SIMC1: variants seen among roughly 807,000 people sequenced by gnomAD.
SIMC1 encodes SUMO interacting motifs containing 1.
A neutral mutation model predicts 82.3 loss-of-function variants in SIMC1; 55 were observed. The observed-to-expected ratio is 0.67, with a 90% CI of 0.54 to 0.84. SIMC1 has a LOEUF of 0.84. SIMC1 is among the 40% of genes least tolerant of loss of function. The pLI is 0.00. For synonymous variants in SIMC1, 353 were observed against 426.3 expected (o/e 0.83, Z 2.12); for missense variants, 915 against 1,107.2 (o/e 0.83, Z 2.46).
At chr5:176,288,740 G>A (rs1179865949) in intron 1 of SIMC1, among the ~76,000 whole-genome samples, 1 of 152,188 alleles carries the variant, frequency 6.6e-6, no homozygotes, top group Non-Finnish European at 1.5e-5. Context: ...GAAATAGCAT[G>A]GTAGCTGTGA....
At chr5:176,307,479 C>G (rs1235813612) in intron 4 of SIMC1, among the ~76,000 whole-genome samples, 3 of 152,192 alleles carry the variant, frequency 2.0e-5, no homozygotes, top group East Asian at 3.8e-4. Flanking sequence ...CAGCTCACTT[C>G]AAGCTCTGCC....
In SIMC1 at chr5:176,252,038, G is replaced by C. The variant is rs902854193; in HGVS notation, c.129+13401G>C. 2.4e-4 allele frequency among the ~76,000 whole-genome samples: 36 copies of C among 152,014 alleles called. 1 individual carries two copies. The highest frequency in any genetic ancestry group is 4.4e-4 in the Non-Finnish European group (30 of 68,000). On this transcript the variant is annotated intron_variant, in intron 1 of 9. Coordinates refer to ENST00000429602, the MANE Select transcript of SIMC1 (RefSeq NM_001308195.2). ...CTCAATCTTTTCCCCACCTTTCCCC[G>C]CTTTCTATTCCACAAAACCACCATT... is the stretch of plus-strand genomic sequence containing the variant.
intron 1 of SIMC1, among the ~76,000 whole-genome samples, chr5:176,282,327 C>T (rs1191998440): frequency 1.3e-5 from 2 of 152,198 alleles, no homozygotes; most frequent in African/African-American, 2.4e-5. Flanking sequence ...TTCCAGGTGC[C>T]GTCTGTCACC....
At chr5:176,313,171 A>G (rs1041596651) in intron 4 of SIMC1, 1 of 712,996 alleles carries the variant, frequency 1.4e-6, no homozygotes, top group East Asian at 5.1e-5. Flanking sequence ...ATCAGCTCGC[A>G]TGACTGGAAG....
chr5:176,287,854 T>A (rs1449301424), intron 1 of SIMC1, among the ~76,000 whole-genome samples: 1 of 152,008 alleles, frequency 6.6e-6, no homozygotes, highest in Non-Finnish European at 1.5e-5. Flanking sequence ...GAAATAAAAA[T>A]ACATTTCTAT....
chr5:176,250,259 A>G (rs903889396), intron 1 of SIMC1, among the ~76,000 whole-genome samples: 3 of 152,120 alleles, frequency 2.0e-5, no homozygotes, highest in Non-Finnish European at 4.4e-5. Flanking sequence ...TTCAGTTTCC[A>G]TGTAGTTGTG....
At chr5:176,332,739 T>C in intron 7 of SIMC1, among the ~76,000 whole-genome samples, 1 of 152,268 alleles carries the variant, frequency 6.6e-6, no homozygotes, top group African/African-American at 2.4e-5. Flanking sequence ...CTTTATTCAA[T>C]ATTAAAATTA....
At position 176,256,115 on chromosome 5, in the gene SIMC1, A is replaced by T. The variant is rs182432844; in HGVS notation, c.129+17478A>T. On this transcript the variant is annotated intron_variant, in intron 1 of 9. Coordinates refer to ENST00000429602, the MANE Select transcript of SIMC1 (RefSeq NM_001308195.2). ...ATGAAGAAGATTCATTTTAAAACTG[A>T]TATTAGAGAAAGGAAGACTAAAAAA... Among the ~76,000 whole-genome samples, 95 of 152,312 alleles carry T rather than the reference A, an allele frequency of 6.2e-4. No individual in the cohort carries two copies. The Middle Eastern group carries it at 0.01, about 16-fold the overall frequency.
At chr5:176,282,586 G>T (rs150982203) in intron 1 of SIMC1, among the ~76,000 whole-genome samples, 30 of 152,238 alleles carry the variant, frequency 2.0e-4, no homozygotes, top group African/African-American at 6.5e-4. Flanking sequence ...TCCTCCCCCC[G>T]AAAAGCTGAA....
rs78782990 is a variant in SIMC1, at chr5:176,302,675, A to C, written c.1734+6355A>C. Among the ~76,000 whole-genome samples, 1,181 of 152,274 alleles carry C rather than the reference A, an allele frequency of 7.8e-3. 14 individuals carry two copies. The highest frequency in any genetic ancestry group is 0.024 in the African/African-American group (1,000 of 41,540). On this transcript the variant is annotated intron_variant, in intron 4 of 9. Transcript: ENST00000429602. Reference sequence around the variant, plus strand: ...ATCCTAAAATTCCACCAAAAAAAAAACTAGTAAATGAAATAATAAGTGAAT... The same window carrying C: ...ATCCTAAAATTCCACCAAAAAAAAACCTAGTAAATGAAATAATAAGTGAAT...
chr5:176,247,616 G>C (rs1342615205), intron 1 of SIMC1, among the ~76,000 whole-genome samples: 1 of 152,040 alleles, frequency 6.6e-6, no homozygotes, highest in East Asian at 1.9e-4. Flanking sequence ...GGTTTAATCA[G>C]ATCCATTTGT....
chr5:176,246,449 T>TGTGTG (rs1554104446), intron 1 of SIMC1, among the ~76,000 whole-genome samples: 1 of 118,110 alleles, frequency 8.5e-6, no homozygotes, highest in African/African-American at 3.4e-5. Flanking sequence ...TGTGTGTGTG[T>TGTGTG]TGTTTGTTTG....
intron 1 of SIMC1, among the ~76,000 whole-genome samples, chr5:176,251,714 C>T (rs1297467149): frequency 6.6e-6 from 1 of 151,436 alleles, no homozygotes; most frequent in Non-Finnish European, 1.5e-5. Flanking sequence ...TTCTCCTAGG[C>T]AGAGGACCCT....
intron 1 of SIMC1, among the ~76,000 whole-genome samples, chr5:176,287,699 GAAAGAATAAAA>G (rs1419532887): frequency 6.9e-6 from 1 of 143,986 alleles, no homozygotes; most frequent in African/African-American, 2.6e-5. Context: ...AAAATAAATT[GAAAGAATAAAA>G]AAAGAAAAAA....
intron 1 of SIMC1, among the ~76,000 whole-genome samples, chr5:176,246,079 G>A (rs1003951451): frequency 2.0e-5 from 3 of 148,488 alleles, no homozygotes; most frequent in Non-Finnish European, 3.0e-5. Context: ...GCACGATCTC[G>A]GGTCACTGCA....
chr5:176,283,381 A>G (rs144262407), intron 1 of SIMC1, among the ~76,000 whole-genome samples: 139 of 152,308 alleles, frequency 9.1e-4, no homozygotes, highest in African/African-American at 2.8e-3. Context: ...AACATTCTTA[A>G]AGAAAAGAAT....
At chr5:176,245,550 G>A (rs890579055) in intron 1 of SIMC1, among the ~76,000 whole-genome samples, 10 of 152,032 alleles carry the variant, frequency 6.6e-5, no homozygotes, top group Admixed American at 2.0e-4. Context: ...TTCAACTTTC[G>A]ATTTTGTTTT....
At chr5:176,337,240 T>C (rs1765941644) in intron 9 of SIMC1, 94 bp downstream of exon 9, 2 of 1,100,578 alleles carry the variant, frequency 1.8e-6, no homozygotes, top group Non-Finnish European at 2.7e-6. Context: ...TTTGTTGACA[T>C]TGTTCCTTGG....
At chr5:176,308,514 G>A (rs1268831560) in intron 4 of SIMC1, 7 of 1,605,878 alleles carry the variant, frequency 4.4e-6, no homozygotes, top group Non-Finnish European at 6.0e-6. Context: ...AGGCTTTGTA[G>A]GACTTATTTT....
Sources: gnomAD v4.1 joint callset for allele counts (sites outside exome capture counted in the v4.1 genomes callset) on GRCh38, gnomAD v4.1.1 for gene constraint, MANE v1.5 for transcripts, NCBI Gene and HGNC (gene_info 2026-07-23, HGNC 2026-07-21) for gene names.